The following SLC22A5 variants were observed in gnomAD, a reference collection of about 807,000 sequenced individuals.
SLC22A5 encodes solute carrier family 22 member 5, also known as organic cation/carnitine transporter 2.
SLC22A5 carries 44 observed loss-of-function variants against 56.7 expected under a neutral mutation model. The observed-to-expected ratio is 0.78, with a 90% CI of 0.61 to 1.00. SLC22A5 has a LOEUF of 1.00. SLC22A5 is among the 50% of genes least tolerant of loss of function. The pLI is 0.00. For synonymous variants in SLC22A5, 278 were observed against 292.1 expected (o/e 0.95, Z 0.49); for missense variants, 675 against 723.0 (o/e 0.93, Z 0.76).
intron 2 of SLC22A5, chr5:132,381,268 T>C (rs942270380): frequency 6.6e-6 from 1 of 152,228 alleles, no homozygotes; most frequent in Non-Finnish European, 1.5e-5. Context: ...AGGGCTAATA[T>C]AGTGTTTTTC....
In SLC22A5 at chr5:132,369,799, C is replaced by T. The variant is rs993927979; in HGVS notation, c.-174C>T. The stretch of plus-strand genomic sequence containing the variant: ...CCTGGTCGTGCGCCCTATGTAAGGC[C>T]AGCCGCGGCAGGACCAAGGCGGCGG... On this transcript the variant is annotated 5_prime_UTR_variant, in exon 1 of 10. Coordinates refer to ENST00000245407, the MANE Select transcript of SLC22A5 (RefSeq NM_003060.4). 2 of 806,796 alleles carry T rather than the reference C, an allele frequency of 2.5e-6. No homozygotes were observed. The highest frequency in any genetic ancestry group is 3.7e-5 in the African/African-American group (2 of 54,200). 50.0% of individuals were successfully genotyped at this position (806,796 alleles called of 1,614,324 possible).
At chr5:132,370,404 G>A (rs1422069393) in intron 1 of SLC22A5, 39 bp downstream of exon 1, 2 of 1,604,674 alleles carry the variant, frequency 1.2e-6, no homozygotes, top group East Asian at 4.5e-5. Flanking sequence ...ACCAGGGCTC[G>A]GAGGACCTGT....
In SLC22A5 at chr5:132,388,830, G is replaced by A. The variant is rs1342261708; in HGVS notation, c.952-91G>A. ...ACTCCCCGACGCTGAGATGCAGACA[G>A]CTAAGATGCCAGGGATTCAAGTATG... On this transcript the variant is annotated intron_variant, in intron 5 of 9. Coordinates refer to ENST00000245407, the MANE Select transcript of SLC22A5 (RefSeq NM_003060.4). The A allele has an allele frequency of 8.3e-6, 7 of 847,124 alleles. No homozygotes were observed. The African/African-American group carries it at 8.3e-5, about 10-fold the overall frequency. The allele number at this position is 847,124 out of a possible 1,614,324, so 52.5% of individuals were successfully genotyped here. A position where few individuals can be genotyped will look rare whatever the true frequency, so the allele number is the denominator to read the frequency against.
chr5:132,376,868 G>C (rs927958955), intron 1 of SLC22A5: 2 of 152,342 alleles, frequency 1.3e-5, no homozygotes, highest in Admixed American at 6.5e-5. Context: ...AGCCATGTGT[G>C]GGTGGGGGCC....
In SLC22A5 at chr5:132,370,483, C is replaced by A. The variant is rs116370664; in HGVS notation, c.393+118C>A. ...GACGCTGTCACTCCCCCTCCCCCAA[C>A]GGTCAACACCCTAGCGATGGAGACC... On this transcript the variant is annotated intron_variant, in intron 1 of 9. Coordinates refer to ENST00000245407, the MANE Select transcript of SLC22A5 (RefSeq NM_003060.4). 4.7e-3 allele frequency: 5,484 copies of A among 1,175,130 alleles called. 189 individuals carry two copies. In the African/African-American group the frequency reaches 0.075, roughly 16 times the overall value. 72.8% of individuals were successfully genotyped at this position (1,175,130 alleles called of 1,614,324 possible).
At chr5:132,371,104 G>A (rs1040258379) in intron 1 of SLC22A5, among the ~76,000 whole-genome samples, 1 of 152,010 alleles carries the variant, frequency 6.6e-6, no homozygotes, top group Non-Finnish European at 1.5e-5. Context: ...CTCAGTCTCC[G>A]AGTAGCTGTG....
At chr5:132,389,101 C>T in intron 6 of SLC22A5, 80 bp downstream of exon 6, 1 of 879,260 alleles carries the variant, frequency 1.1e-6, no homozygotes, top group South Asian at 1.3e-5. Flanking sequence ...ACAGACATGC[C>T]TCAGACAAAA....
intron 2 of SLC22A5, 76 bp from the exon 3 acceptor site, chr5:132,384,071 G>T: frequency 1.4e-6 from 2 of 1,458,946 alleles, no homozygotes; most frequent in East Asian, 2.3e-5. Flanking sequence ...TGGATCTTGA[G>T]AAAGCCCCAC....
chr5:132,378,277 G>A (rs1310645912), intron 1 of SLC22A5, 101 bp from the exon 2 acceptor site: 2 of 1,613,914 alleles, frequency 1.2e-6, no homozygotes, highest in South Asian at 1.1e-5. Context: ...CTCAGAGCGT[G>A]TGGGGATGGC....
chr5:132,385,241 T>C (rs1752482097), intron 3 of SLC22A5, 87 bp from the exon 4 acceptor site: 1 of 1,190,966 alleles, frequency 8.4e-7, no homozygotes, highest in Non-Finnish European at 1.3e-6. Context: ...TGTTTTCTTG[T>C]CTGTGTATTC....
At chr5:132,391,252 T>C (rs769097777) in intron 7 of SLC22A5, among the ~76,000 whole-genome samples, 2 of 152,196 alleles carry the variant, frequency 1.3e-5, no homozygotes, top group Non-Finnish European at 2.9e-5. Flanking sequence ...CAAATAGCTA[T>C]GGCATGCCTA....
Position 132,370,241 on chromosome 5 carries a change from C to T in SLC22A5, c.269C>T (p.Ala90Val), listed in dbSNP as rs764805645. The T allele has an allele frequency of 1.9e-6, 3 of 1,575,508 alleles. No homozygotes were observed. In the Admixed American group the frequency reaches 5.6e-5, roughly 30 times the overall value. Residue 90 changes from alanine (A) to valine (V), a missense_variant, in exon 1 of 10, where the codon GCC becomes GTC. By Grantham distance (64) the Ala-to-Val change is moderately conservative (BLOSUM62 0). Transcript: ENST00000245407. Reference protein sequence around the residue: ...SCRRYRLATIANFSALGLEPG... With the variant: ...SCRRYRLATIVNFSALGLEPG... The stretch of plus-strand genomic sequence containing the variant: ...CGCCGCTACCGGCTCGCCACCATCG[C>T]CAACTTCTCGGCGCTTGGGCTGGAG...
chr5:132,387,389 AT>A (rs1752571547), intron 5 of SLC22A5, among the ~76,000 whole-genome samples: 1 of 147,482 alleles, frequency 6.8e-6, no homozygotes, highest in Admixed American at 7.1e-5. Flanking sequence ...TCAGATTTTC[AT>A]TTTTTACTTC....
chr5:132,386,956 T>G, intron 4 of SLC22A5, 69 bp from the exon 5 acceptor site: 1 of 1,548,188 alleles, frequency 6.5e-7, no homozygotes, highest in Non-Finnish European at 8.9e-7. Flanking sequence ...CCTATGGCTG[T>G]GCTCTACCTG....
At chr5:132,371,537 C>CT (rs1751930574) in intron 1 of SLC22A5, among the ~76,000 whole-genome samples, 1 of 151,970 alleles carries the variant, frequency 6.6e-6, no homozygotes, top group Admixed American at 6.6e-5. Flanking sequence ...TGTTTTGTGT[C>CT]TTTTTTAGAC....
chr5:132,392,347 G>A, intron 7 of SLC22A5, 86 bp from the exon 8 acceptor site: 1 of 1,273,624 alleles, frequency 7.9e-7, no homozygotes, highest in East Asian at 2.3e-5. Flanking sequence ...CAAAAAATTT[G>A]GGAAGAAAGT....
intron 1 of SLC22A5, among the ~76,000 whole-genome samples, chr5:132,372,750 C>G (rs1252145631): frequency 6.6e-6 from 1 of 152,176 alleles, no homozygotes; most frequent in East Asian, 1.9e-4. Flanking sequence ...TGCTTGTTCC[C>G]AGGTGAACAG....
Position 132,369,921 on chromosome 5 carries a change from C to T in SLC22A5, c.-52C>T. On this transcript the variant is annotated 5_prime_UTR_variant, in exon 1 of 10. Coordinates refer to ENST00000245407, the MANE Select transcript of SLC22A5 (RefSeq NM_003060.4). ...GGGTGCCCCGCGCGCACGCGCAAAGCCCGCCGCGTTCCCCGACCCCAGGCC... is the reference window on the plus strand; with the variant it reads ...GGGTGCCCCGCGCGCACGCGCAAAGTCCGCCGCGTTCCCCGACCCCAGGCC... 2 of 1,602,474 alleles carry T rather than the reference C, an allele frequency of 1.2e-6. No homozygotes were observed. The highest frequency in any genetic ancestry group is 1.1e-5 in the South Asian group (1 of 90,378).
chr5:132,374,161 A>G (rs1184607744), intron 1 of SLC22A5, among the ~76,000 whole-genome samples: 3 of 151,920 alleles, frequency 2.0e-5, no homozygotes, highest in Admixed American at 2.0e-4. Context: ...TGGGGGTTGC[A>G]GTAGCCAAGA....
Sources: gnomAD v4.1 joint callset for allele counts (sites outside exome capture counted in the v4.1 genomes callset) on GRCh38, gnomAD v4.1.1 for gene constraint, MANE v1.5 for transcripts, NCBI Gene and HGNC (gene_info 2026-07-23, HGNC 2026-07-21) for gene names.